Variants in DNAAF11 observed in about 807,000 individuals in gnomAD.
DNAAF11 encodes the protein leucine rich repeat containing 6.
Under a neutral mutation model 60.8 loss-of-function variants are expected in DNAAF11, and 45 were observed. That is an observed-to-expected ratio of 0.74 (90% CI 0.58 to 0.95). The LOEUF is 0.95. Among genes scored for constraint, DNAAF11 ranks in the 40% least tolerant of loss-of-function variants. The pLI is 0.00. For missense variants in DNAAF11, 546 were observed against 546.2 expected, an observed-to-expected ratio of 1.00 and a Z score of 0.00; for synonymous variants, 191 against 183.5, an observed-to-expected ratio of 1.04 and a Z score of -0.33.
intron 10 of DNAAF11, among the ~76,000 whole-genome samples, chr8:132,604,058 T>C (rs572149425): frequency 9.6e-4 from 146 of 152,284 alleles, no homozygotes; most frequent in African/African-American, 3.5e-3. Flanking sequence ...AGGCTTCCAC[T>C]TTTTTCAGTT....
At chr8:132,677,741 A>C (rs1441778769), upstream of DNAAF11, among the ~76,000 whole-genome samples, 1 of 152,102 alleles carries the variant, frequency 6.6e-6, no homozygotes, top group East Asian at 1.9e-4. Flanking sequence ...TCTGTGTCTA[A>C]AAAAATCGGG....
chr8:132,658,537 G>A (rs1463026924), intron 2 of DNAAF11, among the ~76,000 whole-genome samples: 2 of 152,096 alleles, frequency 1.3e-5, no homozygotes, highest in Admixed American at 1.3e-4. Context: ...TAGCCAGGAT[G>A]GTCTCGATCT....
chr8:132,652,113 C>T (rs559822119), intron 3 of DNAAF11, among the ~76,000 whole-genome samples: 10 of 152,204 alleles, frequency 6.6e-5, no homozygotes, highest in Non-Finnish European at 1.2e-4. Context: ...CTCCTAATTT[C>T]AGCTATTAGC....
rs573273004 is a variant in DNAAF11, at chr8:132,596,923, C to G, written c.1141-13144G>C. ...AATTGCCACAGTCTATGGCTTCTCC[C>G]AGTTGTCTTGAATTGTTGTCTGATG... On this transcript the variant is annotated intron_variant, in intron 10 of 11. Coordinates refer to ENST00000620350, the MANE Select transcript of DNAAF11 (RefSeq NM_012472.6). Among the ~76,000 whole-genome samples the G allele has an allele frequency of 1.7e-4, 26 of 152,228 alleles. 1 individual carries two copies. Among genetic ancestry groups the G allele is most frequent in the African/African-American group, 6.3e-4 (26 of 41,542 alleles).
In DNAAF11 at chr8:132,597,609, C is replaced by T. The variant is rs1817152637; in HGVS notation, c.1140+12557G>A. 2.6e-5 allele frequency among the ~76,000 whole-genome samples: 4 copies of T among 152,124 alleles called. No homozygotes were observed. The South Asian group carries it at 8.3e-4, about 31-fold the overall frequency. ...AACACAGAAAAGAGAAAAGACAACC[C>T]CTTGGTCTGGGAGGATGCCAGGCAA... On this transcript the variant is annotated intron_variant, in intron 10 of 11. Transcript: ENST00000620350.
chr8:132,651,208 G>A (rs758585977), intron 3 of DNAAF11, among the ~76,000 whole-genome samples: 1 of 151,636 alleles, frequency 6.6e-6, no homozygotes, highest in East Asian at 1.9e-4. Flanking sequence ...TCTCCTTCCA[G>A]GTTAGGGTAA....
the DNAAF11 span, among the ~76,000 whole-genome samples, chr8:132,699,591 T>A: frequency 6.6e-6 from 1 of 152,016 alleles, no homozygotes; most frequent in Non-Finnish European, 1.5e-5. Context: ...CCTTCAAATA[T>A]CCTTTCCCAT....
intron 1 of DNAAF11, among the ~76,000 whole-genome samples, chr8:132,663,223 C>T (rs1482045926): frequency 6.6e-6 from 1 of 152,168 alleles, no homozygotes; most frequent in African/African-American, 2.4e-5. Context: ...ATTCAGCTGT[C>T]CCTGGAATTC....
chr8:132,647,942 T>C (rs1316285561), intron 3 of DNAAF11, among the ~76,000 whole-genome samples: 1 of 152,190 alleles, frequency 6.6e-6, no homozygotes, highest in African/African-American at 2.4e-5. Flanking sequence ...AAAGAGGAGC[T>C]GGTACCATTC....
intron 10 of DNAAF11, among the ~76,000 whole-genome samples, chr8:132,586,936 C>G (rs890575976): frequency 3.9e-5 from 6 of 152,058 alleles, no homozygotes; most frequent in African/African-American, 1.5e-4. Flanking sequence ...CACCTTAGCA[C>G]CTTTTAAATT....
chr8:132,607,290 C>A (rs994757588), intron 10 of DNAAF11, among the ~76,000 whole-genome samples: 2 of 152,220 alleles, frequency 1.3e-5, no homozygotes, highest in East Asian at 3.8e-4. Context: ...ACAGTGACAA[C>A]TGACTTTCTG....
At chr8:132,589,835 AT>A (rs2131062709) in intron 10 of DNAAF11, among the ~76,000 whole-genome samples, 1 of 152,326 alleles carries the variant, frequency 6.6e-6, no homozygotes, top group African/African-American at 2.4e-5. Context: ...GCATTTATAG[AT>A]CCTCTTAAAA....
At chr8:132,600,456 G>A (rs141508031) in intron 10 of DNAAF11, among the ~76,000 whole-genome samples, 2,185 of 152,186 alleles carry the variant, frequency 0.014, 47 homozygotes, top group African/African-American at 0.05. Flanking sequence ...AAAAGGGCCC[G>A]CATTGCCAAG....
chr8:132,574,626 C>T (rs1814549277), intron 11 of DNAAF11, among the ~76,000 whole-genome samples: 1 of 152,202 alleles, frequency 6.6e-6, no homozygotes, highest in South Asian at 2.1e-4. Flanking sequence ...GATTTTGCCT[C>T]CTATTCTTTT....
intron 5 of DNAAF11, among the ~76,000 whole-genome samples, chr8:132,629,167 A>G (rs976227892): frequency 1.3e-5 from 2 of 152,162 alleles, no homozygotes; most frequent in African/African-American, 4.8e-5. Flanking sequence ...AAAGCATTTA[A>G]TAAGAATCAA....
chr8:132,588,320 A>G (rs1341266072), intron 10 of DNAAF11, among the ~76,000 whole-genome samples: 2 of 152,192 alleles, frequency 1.3e-5, no homozygotes, highest in African/African-American at 4.8e-5. Context: ...ATCTACTTTA[A>G]CATTTTCCTG....
intron 10 of DNAAF11, among the ~76,000 whole-genome samples, chr8:132,604,371 A>T (rs540263742): frequency 8.5e-5 from 13 of 152,196 alleles, no homozygotes; most frequent in Admixed American, 2.6e-4. Context: ...TATGCTCAGT[A>T]TAAACAGAAT....
intron 3 of DNAAF11, among the ~76,000 whole-genome samples, chr8:132,648,084 G>T (rs886378466): frequency 2.6e-5 from 4 of 152,148 alleles, no homozygotes; most frequent in Non-Finnish European, 5.9e-5. Flanking sequence ...CAATATCCTT[G>T]ATTAATATCG....
intron 3 of DNAAF11, among the ~76,000 whole-genome samples, chr8:132,656,371 C>G (rs1373034745): frequency 1.3e-5 from 2 of 152,090 alleles, no homozygotes; most frequent in African/African-American, 4.8e-5. Flanking sequence ...TTATGTATCA[C>G]CTTATTGCTT....
Sources: allele counts gnomAD v4.1 joint callset (sites outside exome capture counted in the v4.1 genomes callset), GRCh38; gene constraint gnomAD v4.1.1; transcripts MANE v1.5; gene names NCBI Gene and HGNC (gene_info 2026-07-23, HGNC 2026-07-21).